Variants in E2F5 observed in about 807,000 individuals in gnomAD.
E2F5 encodes transcription factor E2F5.
Under a neutral mutation model 39.1 loss-of-function variants are expected in E2F5, and 23 were observed. The observed-to-expected ratio is 0.59, with a 90% CI of 0.42 to 0.83. The LOEUF is 0.83. Ranked by LOEUF, E2F5 falls within the 40% of genes least tolerant of loss-of-function variation. The pLI is 0.00. For synonymous variants in E2F5, 145 were observed against 157.8 expected (o/e 0.92, Z 0.61); for missense variants, 365 against 406.7 (o/e 0.90, Z 0.88).
chr8:85,210,606 A>C (rs550684010), intron 6 of E2F5, among the ~76,000 whole-genome samples: 2 of 151,768 alleles, frequency 1.3e-5, no homozygotes, highest in African/African-American at 4.8e-5. Context: ...GCTTGAACCC[A>C]GGAGTTGGAG....
At chr8:85,179,502 G>A (rs1170907327) in intron 1 of E2F5, among the ~76,000 whole-genome samples, 2 of 151,974 alleles carry the variant, frequency 1.3e-5, no homozygotes, top group East Asian at 1.9e-4. Flanking sequence ...AAATTCAAAG[G>A]TTTCTACAAT....
At chr8:85,202,297 T>A in intron 2 of E2F5, 41 bp downstream of exon 2, 1 of 1,395,304 alleles carries the variant, frequency 7.2e-7, no homozygotes. Flanking sequence ...ACCTTTTTTC[T>A]TCTCAGTGCT....
In E2F5 at chr8:85,214,246, T is replaced by C; in HGVS notation, c.*384T>C. On this transcript the variant is annotated 3_prime_UTR_variant, in exon 8 of 8. Transcript: ENST00000416274. Reference sequence around the variant, plus strand: ...TCTTATATTTTTACTGCCACTAAACTGCCTGTATTTCTGTATGTCCTTCTA... The same window carrying C: ...TCTTATATTTTTACTGCCACTAAACCGCCTGTATTTCTGTATGTCCTTCTA... The C allele has an allele frequency of 1.8e-6, 1 of 552,528 alleles. No homozygotes were observed. Among genetic ancestry groups the C allele is most frequent in the Admixed American group, 2.3e-5 (1 of 43,586 alleles). The allele number at this position is 552,528 out of a possible 1,614,324, so 34.2% of individuals were successfully genotyped here.
chr8:85,209,968 G>A (rs1812881779), intron 6 of E2F5, among the ~76,000 whole-genome samples: 1 of 152,094 alleles, frequency 6.6e-6, no homozygotes, highest in Non-Finnish European at 1.5e-5. Context: ...CAATTATGTA[G>A]GAAATCTTAC....
chr8:85,194,898 C>T (rs1164089050), intron 1 of E2F5, among the ~76,000 whole-genome samples: 2 of 151,472 alleles, frequency 1.3e-5, no homozygotes, highest in African/African-American at 2.4e-5. Context: ...ATACCACACC[C>T]GGCTATGCCA....
chr8:85,185,042 C>G (rs188851097), intron 1 of E2F5, among the ~76,000 whole-genome samples: 1 of 152,198 alleles, frequency 6.6e-6, no homozygotes, highest in East Asian at 1.9e-4. Context: ...CAAAAAAGAG[C>G]CTGCATAGCC....
intron 1 of E2F5, chr8:85,200,365 A>C: frequency 1.8e-5 from 14 of 776,334 alleles, no homozygotes; most frequent in Non-Finnish European, 2.1e-5. Context: ...AAAGTATTTG[A>C]GAAATAATGT....
intron 1 of E2F5, among the ~76,000 whole-genome samples, chr8:85,191,439 C>A (rs1315239203): frequency 6.6e-6 from 1 of 151,938 alleles, no homozygotes; most frequent in Non-Finnish European, 1.5e-5. Flanking sequence ...TCTTACCACA[C>A]ACAAAAAAAA....
At chr8:85,187,581 A>G (rs1232519115) in intron 1 of E2F5, 2 of 152,200 alleles carry the variant, frequency 1.3e-5, no homozygotes, top group African/African-American at 4.8e-5. Flanking sequence ...CTTAAAATCT[A>G]TTTAATCTGA....
intron 1 of E2F5, among the ~76,000 whole-genome samples, chr8:85,181,228 A>G (rs1186146784): frequency 1.3e-5 from 2 of 152,136 alleles, no homozygotes; most frequent in African/African-American, 4.8e-5. Context: ...AAAATATCCA[A>G]ATATTTTGGA....
chr8:85,207,612 C>A, intron 5 of E2F5, 123 bp downstream of exon 5: 1 of 679,422 alleles, frequency 1.5e-6, no homozygotes, highest in Non-Finnish European at 2.4e-6. Context: ...AAGTTTTTAT[C>A]TAAAAGTATT....
intron 1 of E2F5, among the ~76,000 whole-genome samples, chr8:85,200,057 G>A (rs1476513357): frequency 5.9e-5 from 9 of 152,078 alleles, no homozygotes; most frequent in Non-Finnish European, 1.0e-4. Flanking sequence ...GACCAGCCTG[G>A]CCAACATGGT....
intron 1 of E2F5, among the ~76,000 whole-genome samples, chr8:85,200,835 G>A (rs543895361): frequency 1.3e-5 from 2 of 152,318 alleles, no homozygotes; most frequent in South Asian, 2.1e-4. Context: ...ACCATGGCTA[G>A]TCCTGCTGTT....
At chr8:85,182,936 C>T (rs897872928) in intron 1 of E2F5, among the ~76,000 whole-genome samples, 3 of 152,098 alleles carry the variant, frequency 2.0e-5, no homozygotes, top group African/African-American at 4.8e-5. Context: ...TTAGATACAT[C>T]CTGGGATAAA....
chr8:85,211,291 T>C (rs1365227682), intron 6 of E2F5, among the ~76,000 whole-genome samples: 2 of 150,804 alleles, frequency 1.3e-5, no homozygotes, highest in Non-Finnish European at 2.9e-5. Flanking sequence ...TCCCAGCTAC[T>C]GGGGAGGGAG....
chr8:85,209,971 A>C (rs1365234651), intron 6 of E2F5, among the ~76,000 whole-genome samples: 1 of 152,200 alleles, frequency 6.6e-6, no homozygotes, highest in African/African-American at 2.4e-5. Context: ...TTATGTAGGA[A>C]ATCTTACTTT....
At chr8:85,206,797 A>G (rs1377916053) in intron 4 of E2F5, among the ~76,000 whole-genome samples, 2 of 152,172 alleles carry the variant, frequency 1.3e-5, no homozygotes, top group Non-Finnish European at 2.9e-5. Context: ...CACAAGTAAA[A>G]TGAAATTGTG....
intron 6 of E2F5, among the ~76,000 whole-genome samples, chr8:85,211,425 G>C (rs1258742759): frequency 6.6e-6 from 1 of 151,408 alleles, no homozygotes; most frequent in Non-Finnish European, 1.5e-5. Flanking sequence ...TAAATAAAAA[G>C]GCTAAAACAG....
Position 85,212,141 on chromosome 8 carries a change from T to G in E2F5, c.884-16T>G, listed in dbSNP as rs1049902397. 1 of 1,599,182 alleles carries G rather than the reference T, an allele frequency of 6.3e-7. No individual in the cohort carries two copies. The highest frequency in any genetic ancestry group is 8.6e-7 in the Non-Finnish European group (1 of 1,169,052). On this transcript the variant is annotated splice_polypyrimidine_tract_variant and intron_variant, in intron 6 of 7. Transcript: ENST00000416274. The stretch of plus-strand genomic sequence containing the variant: ...CTGTTAACAGAAATATAACAAAACT[T>G]TATTACTGTTTCCAGCAGGATCTAT...
Sources: gnomAD v4.1 joint callset for allele counts (sites outside exome capture counted in the v4.1 genomes callset) on GRCh38, gnomAD v4.1.1 for gene constraint, MANE v1.5 for transcripts, NCBI Gene and HGNC (gene_info 2026-07-23, HGNC 2026-07-21) for gene names.